ITPR1: variants seen among roughly 807,000 people sequenced by gnomAD.
ITPR1 encodes the protein inositol 1,4,5-trisphosphate receptor type 1.
Under a neutral mutation model 318.4 loss-of-function variants are expected in ITPR1, and 96 were observed. The observed-to-expected ratio is 0.30, with a 90% CI of 0.26 to 0.36. ITPR1 has a LOEUF of 0.36. Among genes scored for constraint, ITPR1 ranks in the 10% least tolerant of loss-of-function variants. The pLI is 1.00. For synonymous variants in ITPR1, 1,312 were observed against 1,289.9 expected (o/e 1.02, Z -0.37); for missense variants, 2,440 against 3,460.2 (o/e 0.71, Z 7.40).
chr3:4,786,305 G>A (rs967060481), intron 51 of ITPR1, among the ~76,000 whole-genome samples: 7 of 152,196 alleles, frequency 4.6e-5, no homozygotes, highest in Non-Finnish European at 4.4e-5. Context: ...CCAGTTAAAT[G>A]GGGTTGAGTT....
Position 4,652,224 on chromosome 3 carries a change from T to C in ITPR1, c.951+6T>C, listed in dbSNP as rs1327365224. 5.6e-6 allele frequency: 9 copies of C among 1,602,440 alleles called. No homozygotes were observed. The highest frequency in any genetic ancestry group is 1.3e-5 in the African/African-American group (1 of 74,866). On this transcript the variant is annotated splice_donor_region_variant and intron_variant, in intron 11 of 61. Coordinates refer to ENST00000649015, the MANE Select transcript of ITPR1 (RefSeq NM_001378452.1). ...GGCATTACTTGGCAGCAGAGGTAAG[T>C]AGCAGCTCCTGTGGTTTTCTCTTTC... is the stretch of plus-strand genomic sequence containing the variant.
At chr3:4,764,228 C>A (rs2045655270) in intron 44 of ITPR1, among the ~76,000 whole-genome samples, 1 of 152,210 alleles carries the variant, frequency 6.6e-6, no homozygotes, top group Non-Finnish European at 1.5e-5. Context: ...AAGAAGTGAA[C>A]AACTGAAAGT....
intron 50 of ITPR1, among the ~76,000 whole-genome samples, chr3:4,783,319 C>A (rs1575229239): frequency 6.6e-6 from 1 of 152,108 alleles, no homozygotes; most frequent in Middle Eastern, 3.2e-3. Context: ...AGGCTGTAAC[C>A]CTGCTGGAGC....
At chr3:4,815,665 C>T (rs1451479512) in intron 59 of ITPR1, among the ~76,000 whole-genome samples, 1 of 152,052 alleles carries the variant, frequency 6.6e-6, no homozygotes, top group African/African-American at 2.4e-5. Flanking sequence ...CCAAACAAAT[C>T]ATTTTCAGTA....
Position 4,600,114 on chromosome 3 carries a change from G to C in ITPR1, c.164-27649G>C, listed in dbSNP as rs573910424. Among the ~76,000 whole-genome samples, 4 of 152,296 alleles carry C rather than the reference G, an allele frequency of 2.6e-5. No homozygotes were observed. In the South Asian group the frequency reaches 6.2e-4, roughly 24 times the overall value. On this transcript the variant is annotated intron_variant, in intron 4 of 61. Transcript: ENST00000649015. ...GCCCGAGCTCTTTCACATAGCATAA[G>C]TATGTTACAATACATTTGTGTTGTA...
At chr3:4,517,680 G>C (rs748600434) in intron 3 of ITPR1, among the ~76,000 whole-genome samples, 13 of 152,200 alleles carry the variant, frequency 8.5e-5, no homozygotes, top group Non-Finnish European at 1.9e-4. Flanking sequence ...CAGATCCAGT[G>C]ACTTTCTACA....
chr3:4,820,529 G>A (rs952105302), intron 60 of ITPR1, among the ~76,000 whole-genome samples: 3 of 152,170 alleles, frequency 2.0e-5, no homozygotes, highest in East Asian at 1.9e-4. Context: ...CCTGTAGCCC[G>A]CCACCCACCC....
chr3:4,713,103 G>A (rs953413438), intron 39 of ITPR1, among the ~76,000 whole-genome samples: 3 of 152,070 alleles, frequency 2.0e-5, no homozygotes, highest in Admixed American at 1.3e-4. Flanking sequence ...GGGGTACGGG[G>A]GAAGGCTGAT....
intron 49 of ITPR1, among the ~76,000 whole-genome samples, chr3:4,781,840 A>G (rs1337328473): frequency 6.6e-6 from 1 of 152,166 alleles, no homozygotes; most frequent in East Asian, 1.9e-4. Context: ...AGCATTAGCC[A>G]GGCATGGTGG....
rs1485123032 is a variant in ITPR1, at chr3:4,528,022, G to T, written c.163+6928G>T. Among the ~76,000 whole-genome samples the T allele has an allele frequency of 5.3e-5, 8 of 152,306 alleles. No homozygotes were observed. The East Asian group carries it at 1.5e-3, about 29-fold the overall frequency. On this transcript the variant is annotated intron_variant, in intron 4 of 61. Transcript: ENST00000649015. ...TGCTTGAGTGATAAGAAACACTTGA[G>T]TGTCAATAGCCTACTTCTCTGATCT... is the stretch of plus-strand genomic sequence containing the variant.
chr3:4,800,302 G>A, intron 53 of ITPR1, 123 bp from the exon 54 acceptor site: 1 of 882,690 alleles, frequency 1.1e-6, no homozygotes, highest in Non-Finnish European at 1.7e-6. Context: ...AATTTGAGGT[G>A]AGAGTTGGGA....
intron 11 of ITPR1, 36 bp from the exon 12 acceptor site, chr3:4,653,806 G>A (rs1387902997): frequency 5.8e-6 from 9 of 1,543,264 alleles, no homozygotes; most frequent in Non-Finnish European, 8.0e-6. Context: ...AGAAAGCAAT[G>A]GATGTTTTAA....
intron 61 of ITPR1, among the ~76,000 whole-genome samples, chr3:4,844,201 A>G (rs893288779): frequency 2.0e-5 from 3 of 149,042 alleles, no homozygotes; most frequent in African/African-American, 7.5e-5. Flanking sequence ...GTTCACTGCA[A>G]CCTCCACCTG....
chr3:4,497,183 T>A (rs1040374856), intron 2 of ITPR1, among the ~76,000 whole-genome samples: 5 of 152,218 alleles, frequency 3.3e-5, no homozygotes, highest in Non-Finnish European at 7.3e-5. Flanking sequence ...TTCTCTTGGT[T>A]TCTGTGGTTC....
intron 44 of ITPR1, among the ~76,000 whole-genome samples, chr3:4,754,133 G>A (rs907458124): frequency 4.6e-5 from 7 of 151,916 alleles, no homozygotes; most frequent in African/African-American, 1.7e-4. Flanking sequence ...TTGAGGACAG[G>A]AAATGTTGGT....
Position 4,691,249 on chromosome 3 carries a change from C to G in ITPR1, c.3934C>G (p.His1312Asp). The G allele has an allele frequency of 6.2e-7, 1 of 1,612,898 alleles. No individual in the cohort carries two copies. Among genetic ancestry groups the G allele is most frequent in the Non-Finnish European group, 8.5e-7 (1 of 1,179,042 alleles). ...GCACTTCGTTCACTGCATAGAGACT[C>G]ACGGTCGGAATGTCCAGTATATAAA... ...VQHFVHCIET[H>D]GRNVQYIKFL... The change falls in exon 32 of 62, where the codon CAC becomes GAC. Residue 1312 changes from histidine (H) to aspartate (D), a missense_variant. Around this residue, in one of 23 missense-constraint regions of ITPR1, gnomAD observed 222 missense variants for 318.8 expected, o/e 0.70. Coordinates refer to ENST00000649015, the MANE Select transcript of ITPR1 (RefSeq NM_001378452.1).
chr3:4,808,281 G>A (rs2048719312), intron 55 of ITPR1, among the ~76,000 whole-genome samples: 1 of 152,212 alleles, frequency 6.6e-6, no homozygotes, highest in Admixed American at 6.5e-5. Context: ...GGTGAGGTTA[G>A]GTAACTTGCT....
chr3:4,693,615 C>G lies in ITPR1; in HGVS notation c.4155C>G (p.Ile1385Met). Reference sequence around the variant, plus strand: ...AGAACAGCCCTCTCATGTACCACATCCACTTGGTCGAGCTCCTGGCTGTGT... The same window carrying G: ...AGAACAGCCCTCTCATGTACCACATGCACTTGGTCGAGCTCCTGGCTGTGT... ...MDENSPLMYHIHLVELLAVCT... is the reference protein window; with the variant it reads ...MDENSPLMYHMHLVELLAVCT... The change falls in exon 33 of 62, where the codon ATC becomes ATG. Residue 1385 changes from isoleucine to methionine, a missense_variant. Physicochemically the swap from Ile to Met is conservative, Grantham distance 10. This residue lies in a region of ITPR1 where 222 missense variants were observed against 318.8 expected (regional missense o/e 0.70). Transcript: ENST00000649015. 6.2e-7 allele frequency: 1 copy of G among 1,614,052 alleles called. No homozygotes were observed. The highest frequency in any genetic ancestry group is 8.5e-7 in the Non-Finnish European group (1 of 1,179,904).
At chr3:4,728,165 G>C (rs1215094373) in intron 42 of ITPR1, among the ~76,000 whole-genome samples, 1 of 152,192 alleles carries the variant, frequency 6.6e-6, no homozygotes, top group Non-Finnish European at 1.5e-5. Context: ...GAATTCCTTG[G>C]CCAAGGGGTA....
Sources: gnomAD v4.1 joint callset for allele counts (sites outside exome capture counted in the v4.1 genomes callset) on GRCh38, gnomAD v4.1.1 for gene constraint, gnomAD v4.1.1 regional missense constraint, MANE v1.5 for transcripts, NCBI Gene and HGNC (gene_info 2026-07-23, HGNC 2026-07-21) for gene names.